Variants in LPAR1 observed in about 807,000 individuals in gnomAD.
LPAR1 encodes LPA receptor 1.
A neutral mutation model predicts 23.8 loss-of-function variants in LPAR1; 5 were observed. The ratio of observed to expected loss-of-function variants is 0.21; its 90% confidence interval spans 0.11 to 0.44. The LOEUF (loss-of-function observed/expected upper bound fraction) is 0.44. Among genes scored for constraint, LPAR1 ranks in the 20% least tolerant of loss-of-function variants. LPAR1 has a pLI of 0.99. For missense variants in LPAR1, 311 were observed against 482.8 expected (o/e 0.64, Z 3.33); for synonymous variants, 160 against 164.7 (o/e 0.97, Z 0.22).
intron 5 of LPAR1, among the ~76,000 whole-genome samples, chr9:110,897,699 A>G (rs1362009565): frequency 6.6e-5 from 10 of 152,204 alleles, no homozygotes; most frequent in Admixed American, 1.3e-4. Context: ...TGAAGATAAA[A>G]CAACATAAGG....
chr9:110,928,649 G>T (rs2766997), intron 5 of LPAR1, among the ~76,000 whole-genome samples: 2 of 151,966 alleles, frequency 1.3e-5, no homozygotes, highest in African/African-American at 4.8e-5. Context: ...TGTCTAAATA[G>T]AGCCTCTTTT....
chr9:110,984,382 T>A (rs1588684909), intron 2 of LPAR1, among the ~76,000 whole-genome samples: 1 of 152,190 alleles, frequency 6.6e-6, no homozygotes, highest in East Asian at 1.9e-4. Flanking sequence ...TCCAGTTCCA[T>A]CCATGTTGTT....
chr9:110,892,330 C>T (rs1219595972), intron 5 of LPAR1, among the ~76,000 whole-genome samples: 1 of 152,174 alleles, frequency 6.6e-6, no homozygotes, highest in African/African-American at 2.4e-5. Context: ...AAGGCCAGCA[C>T]CAACTATCTT....
chr9:110,887,330 A>G (rs1259930085), intron 5 of LPAR1, among the ~76,000 whole-genome samples: 3 of 151,974 alleles, frequency 2.0e-5, no homozygotes, highest in Non-Finnish European at 4.4e-5. Flanking sequence ...TATTTACATA[A>G]CCTAAAAATG....
At chr9:111,002,613 C>T (rs368941910) in intron 2 of LPAR1, among the ~76,000 whole-genome samples, 9 of 152,266 alleles carry the variant, frequency 5.9e-5, no homozygotes, top group African/African-American at 2.2e-4. Context: ...TGAGGATGAA[C>T]ACAGTGCAAT....
At chr9:111,011,512 A>G (rs1270515954) in intron 2 of LPAR1, among the ~76,000 whole-genome samples, 1 of 152,146 alleles carries the variant, frequency 6.6e-6, no homozygotes. Flanking sequence ...TTTGTAACCA[A>G]ACTGAATCCC....
intron 2 of LPAR1, among the ~76,000 whole-genome samples, chr9:110,982,861 T>TATACACAC (rs2096701824): frequency 7.1e-6 from 1 of 139,990 alleles, no homozygotes; most frequent in African/African-American, 2.6e-5. Context: ...TATATACACA[T>TATACACAC]ACACACACAC....
chr9:110,964,206 G>A (rs571445431), intron 4 of LPAR1, among the ~76,000 whole-genome samples: 2 of 152,168 alleles, frequency 1.3e-5, no homozygotes, highest in Admixed American at 1.3e-4. Flanking sequence ...AAAATAAAGA[G>A]AGGAAGTGGA....
chr9:110,901,034 G>A (rs1402192607), intron 5 of LPAR1, among the ~76,000 whole-genome samples: 1 of 152,222 alleles, frequency 6.6e-6, no homozygotes, highest in Non-Finnish European at 1.5e-5. Context: ...CAGAGTGAAA[G>A]CATGCATCTG....
intron 4 of LPAR1, among the ~76,000 whole-genome samples, chr9:110,965,024 C>T (rs2096159845): frequency 6.6e-6 from 1 of 152,024 alleles, no homozygotes; most frequent in South Asian, 2.1e-4. Flanking sequence ...GTGCACGCCA[C>T]CACACCCAGC....
At chr9:110,930,930 A>T (rs1400022076) in intron 5 of LPAR1, among the ~76,000 whole-genome samples, 1 of 152,202 alleles carries the variant, frequency 6.6e-6, no homozygotes, top group Non-Finnish European at 1.5e-5. Context: ...ACAAAAAAAA[A>T]GGTGAATATT....
chr9:110,920,480 T>C (rs1472479399), intron 5 of LPAR1, among the ~76,000 whole-genome samples: 1 of 152,246 alleles, frequency 6.6e-6, no homozygotes, highest in Non-Finnish European at 1.5e-5. Context: ...ATCATTATAA[T>C]ACTTATATAT....
At chr9:110,906,765 T>C (rs2134131953) in intron 5 of LPAR1, among the ~76,000 whole-genome samples, 1 of 152,274 alleles carries the variant, frequency 6.6e-6, no homozygotes, top group Non-Finnish European at 1.5e-5. Flanking sequence ...AAAATGCATA[T>C]AGTCAGCAAA....
intron 2 of LPAR1, among the ~76,000 whole-genome samples, chr9:111,001,774 C>T (rs1216376755): frequency 1.3e-5 from 2 of 151,998 alleles, no homozygotes; most frequent in Non-Finnish European, 2.9e-5. Flanking sequence ...GTTAAAAAGA[C>T]CGTGCTTGAA....
intron 2 of LPAR1, among the ~76,000 whole-genome samples, chr9:111,009,898 A>C (rs1334729980): frequency 6.6e-6 from 1 of 150,796 alleles, no homozygotes; most frequent in Non-Finnish European, 1.5e-5. Flanking sequence ...TATGGATGCT[A>C]AGTTACTATG....
Position 110,875,440 on chromosome 9 carries a change from T to C in LPAR1, c.1076A>G (p.Asn359Ser), listed in dbSNP as rs1048242692. 4 of 1,613,298 alleles carry C rather than the reference T, an allele frequency of 2.5e-6. No individual in the cohort carries two copies. The highest frequency in any genetic ancestry group is 1.7e-5 in the Admixed American group (1 of 59,994). ...TCCGTTCTAAACCACAGAGTGGTCA[T>C]TGCTGTGAACTCCAGCCAAGATGGT... ...NHTILAGVHSNDHSVV is the reference protein window; with the variant it reads ...NHTILAGVHSSDHSVV The change falls in exon 6 of 6, where the codon AAT (asparagine) becomes AGT (serine). Residue 359 changes from asparagine (N) to serine (S), a missense_variant. Physicochemically the swap from Asn to Ser is conservative, Grantham distance 46. Transcript: ENST00000683809.
intron 2 of LPAR1, among the ~76,000 whole-genome samples, chr9:110,991,894 A>G (rs1198444230): frequency 6.6e-6 from 1 of 152,074 alleles, no homozygotes. Flanking sequence ...CTCCTGGCCA[A>G]CAGAACCTTT....
At chr9:110,975,491 C>G (rs1588638384) in intron 2 of LPAR1, among the ~76,000 whole-genome samples, 2 of 152,176 alleles carry the variant, frequency 1.3e-5, no homozygotes, top group East Asian at 3.9e-4. Flanking sequence ...CACAGTCACA[C>G]AGTCAGGAAA....
chr9:110,991,707 C>T (rs1224737102), intron 2 of LPAR1, among the ~76,000 whole-genome samples: 1 of 152,058 alleles, frequency 6.6e-6, no homozygotes, highest in African/African-American at 2.4e-5. Flanking sequence ...CTCCCAGGTT[C>T]GAGCAATTCT....
Sources: allele counts gnomAD v4.1 joint callset (sites outside exome capture counted in the v4.1 genomes callset), GRCh38; gene constraint gnomAD v4.1.1; transcripts MANE v1.5; gene names NCBI Gene and HGNC (gene_info 2026-07-23, HGNC 2026-07-21).